Variants in CACNA2D3 observed in about 807,000 individuals in gnomAD.
The protein encoded by CACNA2D3 is calcium voltage-gated channel auxiliary subunit alpha2delta 3, also known as voltage-dependent calcium channel subunit alpha-2/delta-3.
Under a neutral mutation model 160.6 loss-of-function variants are expected in CACNA2D3, and 60 were observed. The ratio of observed to expected loss-of-function variants is 0.37; its 90% CI spans 0.30 to 0.46. CACNA2D3 has a LOEUF of 0.46. CACNA2D3 is among the 20% of genes least tolerant of loss of function. CACNA2D3 has a pLI of 1.00. For missense variants in CACNA2D3, 1,205 were observed against 1,365.0 expected (o/e 0.88, Z 1.85); for synonymous variants, 558 against 492.9 (o/e 1.13, Z -1.75).
chr3:54,887,976 C>G lies in CACNA2D3; in HGVS notation c.2074C>G (p.Gln692Glu). ...PLLQCDKELI[Q>E]EVLFDAVVSA... ...CCCAACAGGTGATAAAGAATTGATCCAAGAAGTCCTTTTTGACGCGGTGGT... is the reference window on the plus strand; with the variant it reads ...CCCAACAGGTGATAAAGAATTGATCGAAGAAGTCCTTTTTGACGCGGTGGT... Residue 692 changes from glutamine to glutamate, a missense_variant, in exon 24 of 38, where the codon CAA becomes GAA. Transcript: ENST00000474759. 1 of 1,613,866 alleles carries G rather than the reference C, an allele frequency of 6.2e-7. No homozygotes were observed.
At chr3:54,584,006 G>A (rs1248691780) in intron 9 of CACNA2D3, among the ~76,000 whole-genome samples, 5 of 151,786 alleles carry the variant, frequency 3.3e-5, no homozygotes, top group Admixed American at 3.3e-4. Context: ...GAATATCAAC[G>A]GAACAACCAA....
chr3:54,125,172 T>C (rs1017085868), intron 2 of CACNA2D3, among the ~76,000 whole-genome samples: 8 of 152,182 alleles, frequency 5.3e-5, no homozygotes, highest in African/African-American at 1.9e-4. Context: ...TTTTTGGTTG[T>C]GCTTTCATAT....
chr3:54,990,468 T>C (rs1200082846), intron 31 of CACNA2D3, among the ~76,000 whole-genome samples: 1 of 152,110 alleles, frequency 6.6e-6, no homozygotes, highest in Admixed American at 6.5e-5. Context: ...GAGGCGGAGA[T>C]TGCGATAAGC....
chr3:54,587,499 G>C (rs1478120915), intron 9 of CACNA2D3, among the ~76,000 whole-genome samples: 1 of 152,096 alleles, frequency 6.6e-6, no homozygotes, highest in Non-Finnish European at 1.5e-5. Flanking sequence ...AGAGATTGCA[G>C]TAAGCTGAGA....
chr3:55,045,213 T>C (rs929118703), intron 35 of CACNA2D3, among the ~76,000 whole-genome samples: 1 of 152,166 alleles, frequency 6.6e-6, no homozygotes, highest in Admixed American at 6.5e-5. Flanking sequence ...CATGACTGGC[T>C]AATTTTTTGT....
At chr3:54,352,039 C>T (rs1397290298) in intron 3 of CACNA2D3, among the ~76,000 whole-genome samples, 1 of 152,180 alleles carries the variant, frequency 6.6e-6, no homozygotes, top group African/African-American at 2.4e-5. Context: ...ACCTGTACTG[C>T]ATGGATACGT....
intron 3 of CACNA2D3, among the ~76,000 whole-genome samples, chr3:54,324,546 G>A (rs1418066136): frequency 6.6e-6 from 1 of 151,980 alleles, no homozygotes; most frequent in Non-Finnish European, 1.5e-5. Context: ...TCTTTTTAAT[G>A]CCATTGGTGG....
chr3:54,285,435 C>T (rs566840625), intron 2 of CACNA2D3, among the ~76,000 whole-genome samples: 1 of 152,342 alleles, frequency 6.6e-6, no homozygotes, highest in South Asian at 2.1e-4. Flanking sequence ...AGCCGGGAAG[C>T]TCGAACTGGG....
At chr3:54,566,616 T>C (rs1318322962) in intron 6 of CACNA2D3, among the ~76,000 whole-genome samples, 3 of 152,150 alleles carry the variant, frequency 2.0e-5, no homozygotes, top group Non-Finnish European at 4.4e-5. Flanking sequence ...CACAGACAGG[T>C]CACTGTCTAA....
intron 35 of CACNA2D3, among the ~76,000 whole-genome samples, chr3:55,021,632 TA>T (rs1703451602): frequency 7.6e-6 from 1 of 131,768 alleles, no homozygotes; most frequent in African/African-American, 2.7e-5. Context: ...TGTGTATATA[TA>T]TATATATATA....
chr3:54,854,319 G>A (rs906891377), intron 17 of CACNA2D3, among the ~76,000 whole-genome samples: 1 of 152,196 alleles, frequency 6.6e-6, no homozygotes, highest in Non-Finnish European at 1.5e-5. Flanking sequence ...ATTGGTGAGG[G>A]CACCGTCCTC....
intron 2 of CACNA2D3, among the ~76,000 whole-genome samples, chr3:54,286,258 A>G (rs1208261546): frequency 1.3e-5 from 2 of 152,268 alleles, no homozygotes; most frequent in African/African-American, 2.4e-5. Flanking sequence ...CTGAAAGCCA[A>G]GGCTCGAGAA....
intron 2 of CACNA2D3, among the ~76,000 whole-genome samples, chr3:54,291,462 C>T (rs574886071): frequency 1.8e-4 from 28 of 152,220 alleles, no homozygotes; most frequent in African/African-American, 5.3e-4. Flanking sequence ...TTGGTGAAAG[C>T]GCAAATCACA....
At chr3:54,687,730 T>G (rs150197409) in intron 11 of CACNA2D3, among the ~76,000 whole-genome samples, 219 of 152,326 alleles carry the variant, frequency 1.4e-3, no homozygotes, top group African/African-American at 4.8e-3. Flanking sequence ...CATAGCAACT[T>G]GGCTTTCTAA....
chr3:54,793,040 AT>A (rs1702794375), intron 13 of CACNA2D3, among the ~76,000 whole-genome samples: 1 of 152,124 alleles, frequency 6.6e-6, no homozygotes, highest in Non-Finnish European at 1.5e-5. Flanking sequence ...ATCCATGGAG[AT>A]TTTGTTTATG....
chr3:54,932,204 A>G (rs1161153318), intron 27 of CACNA2D3, among the ~76,000 whole-genome samples: 2 of 152,168 alleles, frequency 1.3e-5, no homozygotes, highest in African/African-American at 2.4e-5. Flanking sequence ...TAAATGAAAA[A>G]GAATAATTAG....
chr3:54,184,740 G>GT (rs1700849967), intron 2 of CACNA2D3, among the ~76,000 whole-genome samples: 1 of 152,212 alleles, frequency 6.6e-6, no homozygotes, highest in South Asian at 2.1e-4. Context: ...GCATTTCTTT[G>GT]TTTTTTCTTT....
chr3:54,136,869 C>T (rs1322347122), intron 2 of CACNA2D3, among the ~76,000 whole-genome samples: 2 of 152,224 alleles, frequency 1.3e-5, no homozygotes, highest in Non-Finnish European at 2.9e-5. Flanking sequence ...ACAGACATCT[C>T]AGGTGACTCT....
chr3:54,378,389 G>A (rs1699044874), intron 3 of CACNA2D3, among the ~76,000 whole-genome samples: 1 of 152,174 alleles, frequency 6.6e-6, no homozygotes, highest in Non-Finnish European at 1.5e-5. Context: ...CTGAGCTCAG[G>A]CAGTGATGCT....
Sources: gnomAD v4.1 joint callset for allele counts (sites outside exome capture counted in the v4.1 genomes callset) on GRCh38, gnomAD v4.1.1 for gene constraint, MANE v1.5 for transcripts, NCBI Gene and HGNC (gene_info 2026-07-23, HGNC 2026-07-21) for gene names.